NCKAP5: variants seen among roughly 807,000 people sequenced by gnomAD.
NCKAP5 encodes nck-associated protein 5.
In NCKAP5, 92 loss-of-function variants were observed where a neutral mutation model predicts 167.0. That is an observed-to-expected ratio of 0.55 (90% CI 0.47 to 0.66). The LOEUF (loss-of-function observed/expected upper bound fraction) is 0.66. Among genes scored for constraint, NCKAP5 ranks in the 30% least tolerant of loss-of-function variants. The probability of loss-of-function intolerance (pLI) is 0.00; values close to 1 mark genes in which losing one functional copy is unlikely to be tolerated. For missense variants in NCKAP5, 2,378 were observed against 2,315.0 expected, an observed-to-expected ratio of 1.03 and a Z score of -0.56; for synonymous variants, 891 against 877.4, an observed-to-expected ratio of 1.02 and a Z score of -0.27.
chr2:133,096,289 G>A (rs1468728827), intron 6 of NCKAP5, among the ~76,000 whole-genome samples: 2 of 152,020 alleles, frequency 1.3e-5, no homozygotes, highest in Non-Finnish European at 2.9e-5. Flanking sequence ...CCAGGAGTTC[G>A]AGACCAGCCT....
In NCKAP5 at chr2:133,557,486, C is replaced by T. The variant is rs190394053; in HGVS notation, c.-62+1564G>A. 3.4e-4 allele frequency among the ~76,000 whole-genome samples: 52 copies of T among 152,070 alleles called. No individual in the cohort carries two copies. In the East Asian group the frequency reaches 5.4e-3, roughly 16 times the overall value. Reference sequence around the variant, plus strand: ...TTCTATGTATAAAAAGACATATGAACGAAAGAGAGAGAGAGATAATGAAAT... The same window carrying T: ...TTCTATGTATAAAAAGACATATGAATGAAAGAGAGAGAGAGATAATGAAAT... On this transcript the variant is annotated intron_variant, in intron 2 of 19. Coordinates refer to ENST00000409261, the MANE Select transcript of NCKAP5 (RefSeq NM_207363.3).
chr2:132,773,356 A>T (rs1574154309), intron 16 of NCKAP5, among the ~76,000 whole-genome samples: 1 of 152,224 alleles, frequency 6.6e-6, no homozygotes, highest in Non-Finnish European at 1.5e-5. Flanking sequence ...AGACAGGACT[A>T]TCTATATTCT....
At chr2:133,665,716 C>G in the NCKAP5 span, among the ~76,000 whole-genome samples, 1 of 151,142 alleles carries the variant, frequency 6.6e-6, no homozygotes, top group Non-Finnish European at 1.5e-5. Context: ...TGGGAAAAAA[C>G]CACAATATCC....
At chr2:132,699,457 C>A (rs1687667386) in intron 19 of NCKAP5, among the ~76,000 whole-genome samples, 1 of 151,950 alleles carries the variant, frequency 6.6e-6, no homozygotes, top group Non-Finnish European at 1.5e-5. Flanking sequence ...TTAGGTATAT[C>A]TCCTAATGCT....
chr2:132,832,975 C>A (rs1320395657), intron 11 of NCKAP5, among the ~76,000 whole-genome samples: 1 of 152,032 alleles, frequency 6.6e-6, no homozygotes, highest in Non-Finnish European at 1.5e-5. Context: ...ATAAAGGTTG[C>A]ACTAATTTAC....
At chr2:132,700,937 G>T (rs959726480) in intron 19 of NCKAP5, among the ~76,000 whole-genome samples, 6 of 146,856 alleles carry the variant, frequency 4.1e-5, no homozygotes, top group East Asian at 2.1e-4. Context: ...GGGCGGGGGG[G>T]GGGGCTTTTA....
intron 3 of NCKAP5, among the ~76,000 whole-genome samples, chr2:133,462,383 A>G (rs1692255309): frequency 6.6e-6 from 1 of 152,110 alleles, no homozygotes; most frequent in African/African-American, 2.4e-5. Flanking sequence ...GCTTCTACAG[A>G]TTCCTTGTTT....
At chr2:132,838,347 C>T (rs540130248) in intron 11 of NCKAP5, among the ~76,000 whole-genome samples, 18 of 152,140 alleles carry the variant, frequency 1.2e-4, no homozygotes, top group African/African-American at 3.4e-4. Context: ...TTAATGAAAT[C>T]GGGGCCGGGC....
chr2:133,079,497 A>G (rs919318849), intron 6 of NCKAP5, among the ~76,000 whole-genome samples: 2 of 152,126 alleles, frequency 1.3e-5, no homozygotes, highest in Non-Finnish European at 2.9e-5. Context: ...AAGATTTTCT[A>G]TTTTTGCCCA....
the NCKAP5 span, among the ~76,000 whole-genome samples, chr2:133,621,377 C>T: frequency 1.6e-3 from 243 of 151,982 alleles, no homozygotes; most frequent in African/African-American, 5.4e-3. Flanking sequence ...AGACCATTAG[C>T]GAGGTTAACC....
intron 4 of NCKAP5, among the ~76,000 whole-genome samples, chr2:133,297,315 A>AT (rs1316459911): frequency 6.6e-6 from 1 of 152,140 alleles, no homozygotes; most frequent in Non-Finnish European, 1.5e-5. Context: ...CTTTAGATGA[A>AT]TTCTCAGTTT....
At chr2:133,085,405 C>T (rs2080953836) in intron 6 of NCKAP5, among the ~76,000 whole-genome samples, 1 of 152,090 alleles carries the variant, frequency 6.6e-6, no homozygotes, top group South Asian at 2.1e-4. Flanking sequence ...ATAAGTATGG[C>T]AATTTTTTAA....
chr2:133,628,247 T>C, the NCKAP5 span, among the ~76,000 whole-genome samples: 21 of 152,246 alleles, frequency 1.4e-4, no homozygotes, highest in Admixed American at 1.1e-3. Flanking sequence ...GAAAACCCTA[T>C]AGTCTCAACC....
chr2:132,964,745 A>C (rs182202254), intron 7 of NCKAP5, among the ~76,000 whole-genome samples: 2 of 152,330 alleles, frequency 1.3e-5, no homozygotes, highest in Admixed American at 1.3e-4. Context: ...AACCATCTGA[A>C]CAAAACTGGA....
At chr2:132,719,893 AAG>A (rs1689747085) in intron 19 of NCKAP5, among the ~76,000 whole-genome samples, 1 of 152,228 alleles carries the variant, frequency 6.6e-6, no homozygotes. Context: ...TAGAGGAAAA[AAG>A]AGAGGTTTCC....
At chr2:133,014,705 C>A (rs552238030) in intron 6 of NCKAP5, among the ~76,000 whole-genome samples, 2 of 152,154 alleles carry the variant, frequency 1.3e-5, no homozygotes, top group African/African-American at 4.8e-5. Flanking sequence ...TTCAGCCTTA[C>A]GTTTTCAATA....
intron 19 of NCKAP5, among the ~76,000 whole-genome samples, chr2:132,686,643 C>G (rs1277681005): frequency 6.6e-6 from 1 of 152,154 alleles, no homozygotes; most frequent in Non-Finnish European, 1.5e-5. Context: ...CCTTTTCCCC[C>G]CTATCACTTT....
rs1277490356 is a variant in NCKAP5, at chr2:133,215,588, T to C, written c.144-1809A>G. Among the ~76,000 whole-genome samples, 3 of 152,102 alleles carry C rather than the reference T, an allele frequency of 2.0e-5. No homozygotes were observed. In the East Asian group the frequency reaches 5.8e-4, roughly 29 times the overall value. On this transcript the variant is annotated intron_variant, in intron 4 of 19. Coordinates refer to ENST00000409261, the MANE Select transcript of NCKAP5 (RefSeq NM_207363.3). ...ATGCACACACCCATTAACAATAGAATAGATATGTCAACTTTAGCACAGTTA... is the reference window on the plus strand; with the variant it reads ...ATGCACACACCCATTAACAATAGAACAGATATGTCAACTTTAGCACAGTTA...
chr2:133,181,183 A>G (rs1294538123), intron 5 of NCKAP5, among the ~76,000 whole-genome samples: 1 of 152,182 alleles, frequency 6.6e-6, no homozygotes, highest in African/African-American at 2.4e-5. Context: ...TCTTTAAGAC[A>G]TTTACATTAT....
Sources: allele counts gnomAD v4.1 joint callset (sites outside exome capture counted in the v4.1 genomes callset), GRCh38; gene constraint gnomAD v4.1.1; transcripts MANE v1.5; gene names NCBI Gene and HGNC (gene_info 2026-07-23, HGNC 2026-07-21).